Variants in SEPTIN9 observed in about 807,000 individuals in gnomAD.
SEPTIN9 encodes the protein septin-9.
Under a neutral mutation model 56.6 loss-of-function variants are expected in SEPTIN9, and 13 were observed. The ratio of observed to expected loss-of-function variants is 0.23; its 90% CI spans 0.15 to 0.37. SEPTIN9 has a LOEUF of 0.37. Ranked by LOEUF, SEPTIN9 falls within the 10% of genes least tolerant of loss-of-function variation. The probability of loss-of-function intolerance (pLI) is 1.00; values close to 1 mark genes in which losing one functional copy is unlikely to be tolerated. For synonymous variants in SEPTIN9, 332 were observed against 334.1 expected (o/e 0.99, Z 0.07); for missense variants, 650 against 823.1 (o/e 0.79, Z 2.57).
At chr17:77,422,623 C>A (rs114476091) in intron 3 of SEPTIN9, among the ~76,000 whole-genome samples, 4,001 of 152,264 alleles carry the variant, frequency 0.026, 165 homozygotes, top group African/African-American at 0.089. Flanking sequence ...GGGCTGGTCC[C>A]GGGGAGCCGG....
intron 6 of SEPTIN9, 40 bp downstream of exon 6, chr17:77,488,361 C>T (rs1426524706): frequency 1.3e-6 from 2 of 1,560,474 alleles, no homozygotes; most frequent in Non-Finnish European, 1.8e-6. Context: ...GCGGGGGCTT[C>T]AGGGCTCCCT....
At chr17:77,446,244 T>C (rs141048080) in intron 3 of SEPTIN9, 9 of 167,188 alleles carry the variant, frequency 5.4e-5, no homozygotes, top group African/African-American at 1.9e-4. Flanking sequence ...TCCTGCCTCT[T>C]CCAGCTTTGG....
rs2039210910 is a variant in SEPTIN9 at position 77,476,268 on chromosome 17, G to A, written c.722-5876G>A. ...AAGCCCTCTCTCGGCACCAGGCCAG[G>A]TGGGCCAGGGTCAGCCCTGGGGCTG... On this transcript the variant is annotated intron_variant, in intron 3 of 11. Transcript: ENST00000427177. This position sits in a 1 kb window ranked among gnomAD's most constrained non-coding sequence, Gnocchi z 6.0. Among the ~76,000 whole-genome samples the A allele has an allele frequency of 6.6e-6, 1 of 152,204 alleles. No homozygotes were observed. Among genetic ancestry groups the A allele is most frequent in the South Asian group, 2.1e-4 (1 of 4,836 alleles).
intron 1 of SEPTIN9, among the ~76,000 whole-genome samples, chr17:77,297,615 C>T (rs929956358): frequency 3.3e-5 from 5 of 152,198 alleles, no homozygotes; most frequent in African/African-American, 4.8e-5. Context: ...CACAAGCCAT[C>T]GTTCTTTCAG....
At chr17:77,482,069 G>A in intron 3 of SEPTIN9, 75 bp from the exon 4 acceptor site, 1 of 1,396,862 alleles carries the variant, frequency 7.2e-7, no homozygotes, top group Non-Finnish European at 9.6e-7. Flanking sequence ...CCAAGGATGG[G>A]TGTGACAACC....
At chr17:77,484,037 CT>C (rs2039564894) in intron 4 of SEPTIN9, 1 of 152,406 alleles carries the variant, frequency 6.6e-6, no homozygotes, top group Middle Eastern at 3.4e-3. Flanking sequence ...GTGTCTTCCC[CT>C]GGGCTCCTCC....
chr17:77,309,279 T>G (rs902045177), intron 2 of SEPTIN9, among the ~76,000 whole-genome samples: 3 of 152,272 alleles, frequency 2.0e-5, no homozygotes, highest in Non-Finnish European at 4.4e-5. Context: ...CAGCTCAGCT[T>G]GGAAGCCTAA....
chr17:77,329,370 G>T lies in SEPTIN9; in HGVS notation c.76+22173G>T, dbSNP rs1265785751. The stretch of plus-strand genomic sequence containing the variant: ...AGCAGAGGCCACTGGATGCTGACAG[G>T]TGGCCGGCCCTGCCCAGCCTTGCAC... On this transcript the variant is annotated intron_variant, in intron 2 of 11. Coordinates refer to ENST00000427177, the MANE Select transcript of SEPTIN9 (RefSeq NM_001113491.2). The surrounding 1 kb of genome is among the most constrained non-coding windows in gnomAD (Gnocchi z 4.3). Among the ~76,000 whole-genome samples, 1 of 152,226 alleles carries T rather than the reference G, an allele frequency of 6.6e-6. No individual in the cohort carries two copies. The highest frequency in any genetic ancestry group is 1.5e-5 in the Non-Finnish European group (1 of 68,038).
intron 2 of SEPTIN9, among the ~76,000 whole-genome samples, chr17:77,348,664 T>C (rs967255513): frequency 6.6e-6 from 1 of 152,196 alleles, no homozygotes; most frequent in Non-Finnish European, 1.5e-5. Flanking sequence ...TAGATTCTAT[T>C]GCACATTCTT....
At chr17:77,399,444 C>A (rs1176611248) in intron 2 of SEPTIN9, among the ~76,000 whole-genome samples, 4 of 152,130 alleles carry the variant, frequency 2.6e-5, no homozygotes, top group Non-Finnish European at 5.9e-5. Flanking sequence ...CATGTGGGGA[C>A]AGTTTGGACA....
At chr17:77,343,261 A>G (rs562929422) in intron 2 of SEPTIN9, among the ~76,000 whole-genome samples, 194 of 152,272 alleles carry the variant, frequency 1.3e-3, no homozygotes, top group African/African-American at 4.4e-3. Flanking sequence ...AGAGGGGATG[A>G]AGGTTGAGTT....
intron 3 of SEPTIN9, among the ~76,000 whole-genome samples, chr17:77,418,265 T>C (rs549345431): frequency 1.3e-5 from 2 of 152,266 alleles, no homozygotes; most frequent in African/African-American, 4.8e-5. Context: ...GGCCAGTCCC[T>C]GCCCCTCAGA....
intron 2 of SEPTIN9, among the ~76,000 whole-genome samples, chr17:77,383,157 C>T (rs968738982): frequency 3.6e-5 from 5 of 140,776 alleles, no homozygotes; most frequent in Admixed American, 1.4e-4. Flanking sequence ...TCTTTCTTTC[C>T]CTCCCTCTTT....
In SEPTIN9 at chr17:77,340,574, G is replaced by C. The variant is rs140106807; in HGVS notation, c.76+33377G>C. On this transcript the variant is annotated intron_variant, in intron 2 of 11. Transcript: ENST00000427177. ...TTAAGGGCCCTAGGATTTTTGGAAC[G>C]GTCAATGAGTATTGGCTTTAACTTA... 2.5e-3 allele frequency among the ~76,000 whole-genome samples: 378 copies of C among 152,270 alleles called. 1 individual carries two copies. Among genetic ancestry groups the C allele is most frequent in the Non-Finnish European group, 4.4e-3 (297 of 67,998 alleles).
chr17:77,493,234 T>C (rs2040111693), intron 10 of SEPTIN9, 158 bp downstream of exon 10: 5 of 646,710 alleles, frequency 7.7e-6, no homozygotes, highest in South Asian at 5.3e-5. Flanking sequence ...CATTCAACCC[T>C]TGGGAAAGTG....
At chr17:77,484,526 GTGA>G (rs1254835674) in intron 4 of SEPTIN9, among the ~76,000 whole-genome samples, 1 of 144,666 alleles carries the variant, frequency 6.9e-6, no homozygotes, top group African/African-American at 2.7e-5. Context: ...GGTGGTAATT[GTGA>G]TGGTGGTGGT....
intron 2 of SEPTIN9, among the ~76,000 whole-genome samples, chr17:77,346,302 T>TTTTTTTTTTTC: frequency 6.9e-6 from 1 of 145,654 alleles, no homozygotes; most frequent in Non-Finnish European, 1.5e-5. Flanking sequence ...TTTTTTTTTT[T>TTTTTTTTTTTC]TTTTTACTTC....
intron 2 of SEPTIN9, among the ~76,000 whole-genome samples, chr17:77,364,775 G>A (rs1215406948): frequency 6.6e-6 from 1 of 152,218 alleles, no homozygotes; most frequent in Non-Finnish European, 1.5e-5. Flanking sequence ...GAAAGCTCTG[G>A]AGCACCCAGA....
chr17:77,316,675 G>A (rs150350380), intron 2 of SEPTIN9, among the ~76,000 whole-genome samples: 58 of 151,942 alleles, frequency 3.8e-4, no homozygotes, highest in Non-Finnish European at 6.8e-4. Context: ...GGAGAGTCTC[G>A]AGTGAGGTTA....
Sources: gnomAD v4.1 joint callset for allele counts (sites outside exome capture counted in the v4.1 genomes callset) on GRCh38, gnomAD v4.1.1 for gene constraint, Gnocchi (gnomAD v3.1) non-coding constraint, MANE v1.5 for transcripts, NCBI Gene and HGNC (gene_info 2026-07-23, HGNC 2026-07-21) for gene names.